KHDC1: variants seen among roughly 807,000 people sequenced by gnomAD.
KHDC1 encodes KH domain containing 1.
Under a neutral mutation model 24.7 loss-of-function variants are expected in KHDC1, and 21 were observed. The ratio of observed to expected loss-of-function variants is 0.85; its 90% confidence interval spans 0.60 to 1.23. The LOEUF (loss-of-function observed/expected upper bound fraction) is 1.23, where lower values mean the gene tolerates loss of function less well. Among genes scored for constraint, KHDC1 ranks in the 50% most tolerant of loss-of-function variants. The probability of loss-of-function intolerance (pLI) is 0.00; values close to 1 mark genes in which losing one functional copy is unlikely to be tolerated. For synonymous variants in KHDC1, 98 were observed against 111.7 expected (o/e 0.88, Z 0.77); for missense variants, 274 against 298.5 (o/e 0.92, Z 0.61).
intron 2 of KHDC1, among the ~76,000 whole-genome samples, chr6:73,247,765 G>A (rs1006023494): frequency 4.0e-5 from 6 of 150,522 alleles, no homozygotes; most frequent in African/African-American, 1.2e-4. Flanking sequence ...GCTGAGGTAG[G>A]AGAATGGCTT....
intron 2 of KHDC1, among the ~76,000 whole-genome samples, chr6:73,255,694 GAGTTCAAGACC>G (rs1462424089): frequency 1.3e-5 from 2 of 148,454 alleles, no homozygotes; most frequent in Non-Finnish European, 3.0e-5. Context: ...CTGAGGTCGG[GAGTTCAAGACC>G]AGCCTGGCCA....
chr6:73,281,543 G>A (rs1446414514), intron 2 of KHDC1, among the ~76,000 whole-genome samples: 2 of 151,272 alleles, frequency 1.3e-5, no homozygotes, highest in African/African-American at 4.9e-5. Flanking sequence ...CTTGAACCCA[G>A]GAGGCAAAGA....
chr6:73,307,394 C>CAGCCTGGCGACAGAGCGAG (rs1313835807), intron 1 of KHDC1, among the ~76,000 whole-genome samples: 1 of 152,176 alleles, frequency 6.6e-6, no homozygotes. Context: ...CACTGCACTC[C>CAGCCTGGCGACAGAGCGAG]AGCCTGGCGA....
chr6:73,285,407 C>G (rs899354960), intron 2 of KHDC1, among the ~76,000 whole-genome samples: 3 of 151,800 alleles, frequency 2.0e-5, no homozygotes, highest in African/African-American at 7.3e-5. Context: ...TCTCAGCTCA[C>G]TGCAACCTCT....
chr6:73,246,650 T>C (rs536819952), intron 2 of KHDC1, among the ~76,000 whole-genome samples: 31 of 152,344 alleles, frequency 2.0e-4, no homozygotes, highest in African/African-American at 6.0e-4. Flanking sequence ...TGCCAGTCTA[T>C]AAAATAAACA....
At chr6:73,283,824 C>T (rs1038597049) in intron 2 of KHDC1, among the ~76,000 whole-genome samples, 1 of 151,936 alleles carries the variant, frequency 6.6e-6, no homozygotes, top group African/African-American at 2.4e-5. Flanking sequence ...GATCCTCCCG[C>T]CTCCGCCTCC....
At chr6:73,286,158 C>T (rs910229853) in intron 2 of KHDC1, among the ~76,000 whole-genome samples, 4 of 152,160 alleles carry the variant, frequency 2.6e-5, no homozygotes, top group African/African-American at 9.7e-5. Context: ...CCAAACCATA[C>T]CACAGTGTGT....
intron 1 of KHDC1, among the ~76,000 whole-genome samples, chr6:73,307,822 C>CT (rs1767998347): frequency 1.3e-5 from 2 of 152,178 alleles, no homozygotes; most frequent in South Asian, 4.1e-4. Context: ...TGGAGGTCTT[C>CT]TTAAAACACG....
intron 2 of KHDC1, among the ~76,000 whole-genome samples, chr6:73,285,201 A>G (rs1767497232): frequency 6.6e-6 from 1 of 152,230 alleles, no homozygotes; most frequent in African/African-American, 2.4e-5. Flanking sequence ...TTGTTTTGCC[A>G]TAGAAAGACA....
intron 2 of KHDC1, among the ~76,000 whole-genome samples, chr6:73,254,667 G>C (rs1582556038): frequency 6.6e-6 from 1 of 152,150 alleles, no homozygotes; most frequent in African/African-American, 2.4e-5. Context: ...AATTGTGTAT[G>C]TGTATTTATC....
At chr6:73,243,949 G>A (rs913884868) in intron 2 of KHDC1, among the ~76,000 whole-genome samples, 6 of 152,092 alleles carry the variant, frequency 3.9e-5, no homozygotes, top group African/African-American at 7.2e-5. Flanking sequence ...ATTTTGGACC[G>A]CCTTTTCTAG....
At chr6:73,297,608 A>G (rs1398623363) in intron 1 of KHDC1, among the ~76,000 whole-genome samples, 2 of 152,140 alleles carry the variant, frequency 1.3e-5, no homozygotes, top group African/African-American at 2.4e-5. Context: ...GGTTGAACCA[A>G]TTTATATACT....
At chr6:73,241,503 A>G (rs1340023376) in exon 5 of KHDC1, 4 of 1,606,668 alleles carry the variant, frequency 2.5e-6, no homozygotes, top group Non-Finnish European at 3.4e-6. Context: ...TCTCATCCCC[A>G]CTTCCCAGGG....
At chr6:73,254,511 T>TAAAA (rs1162182594) in intron 2 of KHDC1, among the ~76,000 whole-genome samples, 5 of 134,802 alleles carry the variant, frequency 3.7e-5, no homozygotes, top group East Asian at 2.1e-4. Flanking sequence ...AATAAATAAA[T>TAAAA]AAAAGACTAC....
At chr6:73,244,254 A>T (rs1231268428) in intron 2 of KHDC1, among the ~76,000 whole-genome samples, 1 of 152,228 alleles carries the variant, frequency 6.6e-6, no homozygotes, top group Non-Finnish European at 1.5e-5. Flanking sequence ...TTTCGCACAA[A>T]CTGAAAGGGG....
chr6:73,292,268 C>T (rs1377470048), intron 1 of KHDC1: 1 of 1,302,664 alleles, frequency 7.7e-7, no homozygotes, highest in Non-Finnish European at 1.1e-6. Flanking sequence ...AACGACAAGG[C>T]AAATGCGGTC....
intron 2 of KHDC1, among the ~76,000 whole-genome samples, chr6:73,283,404 A>G (rs1222376605): frequency 6.6e-6 from 1 of 150,792 alleles, no homozygotes; most frequent in African/African-American, 2.4e-5. Context: ...CTTTTGCTTT[A>G]ATCTTTTATT....
intron 2 of KHDC1, among the ~76,000 whole-genome samples, chr6:73,244,351 G>C (rs1424837493): frequency 6.6e-6 from 1 of 152,004 alleles, no homozygotes; most frequent in Non-Finnish European, 1.5e-5. Flanking sequence ...GAAGGCTGGG[G>C]AGTTACTGAA....
At chr6:73,276,694 C>T (rs1767306067) in intron 2 of KHDC1, among the ~76,000 whole-genome samples, 1 of 151,940 alleles carries the variant, frequency 6.6e-6, no homozygotes, top group Non-Finnish European at 1.5e-5. Flanking sequence ...AACTGTGATC[C>T]ACACCTCAGT....
Sources: gnomAD v4.1 joint callset for allele counts (sites outside exome capture counted in the v4.1 genomes callset) on GRCh38, gnomAD v4.1.1 for gene constraint, MANE v1.5 for transcripts, NCBI Gene and HGNC (gene_info 2026-07-23, HGNC 2026-07-21) for gene names.